Variants in ZFPM2 observed in about 807,000 individuals in gnomAD.
ZFPM2 encodes the protein zinc finger protein, FOG family member 2.
ZFPM2 carries 20 observed loss-of-function variants against 98.6 expected under a neutral mutation model. The ratio of observed to expected loss-of-function variants is 0.20; its 90% CI spans 0.14 to 0.29. ZFPM2 has a LOEUF of 0.29. Ranked by LOEUF, ZFPM2 falls within the 10% of genes least tolerant of loss-of-function variation. ZFPM2 has a pLI of 1.00. For missense variants in ZFPM2, 1,310 were observed against 1,388.6 expected (o/e 0.94, Z 0.90); for synonymous variants, 518 against 502.7 (o/e 1.03, Z -0.41).
chr8:105,782,056 A>T (rs1180222023), intron 5 of ZFPM2, among the ~76,000 whole-genome samples: 2 of 152,148 alleles, frequency 1.3e-5, no homozygotes, highest in African/African-American at 4.8e-5. Flanking sequence ...TGTGACTTTG[A>T]ACAACTTACA....
intron 1 of ZFPM2, among the ~76,000 whole-genome samples, chr8:105,391,002 A>G (rs896388209): frequency 2.6e-5 from 4 of 152,200 alleles, no homozygotes; most frequent in Admixed American, 2.6e-4. Context: ...CTTCAGAATT[A>G]TATACTGAGA....
intron 3 of ZFPM2, among the ~76,000 whole-genome samples, chr8:105,530,787 T>C (rs1814281590): frequency 6.6e-6 from 1 of 152,136 alleles, no homozygotes; most frequent in Non-Finnish European, 1.5e-5. Flanking sequence ...ATTCGGTCCA[T>C]AGCAATCAGT....
In ZFPM2 at chr8:105,619,997, T is replaced by C. The variant is rs1356337941; in HGVS notation, c.421-14249T>C. 5.3e-5 allele frequency among the ~76,000 whole-genome samples: 8 copies of C among 152,330 alleles called. No homozygotes were observed. The East Asian group carries it at 1.5e-3, about 29-fold the overall frequency. Reference sequence around the variant, plus strand: ...AATAGTGCTGCAATAAATATACGTGTGCATGTGTCTTTATAACAGCATGAT... The same window carrying C: ...AATAGTGCTGCAATAAATATACGTGCGCATGTGTCTTTATAACAGCATGAT... On this transcript the variant is annotated intron_variant, in intron 4 of 7. Transcript: ENST00000407775.
Position 105,605,609 on chromosome 8 carries a change from AT to A in ZFPM2, c.421-28633del, listed in dbSNP as rs1293910861. 8.5e-5 allele frequency among the ~76,000 whole-genome samples: 13 copies of A among 152,116 alleles called. No individual in the cohort carries two copies. The East Asian group carries it at 2.5e-3, about 29-fold the overall frequency. On this transcript the variant is annotated intron_variant, in intron 4 of 7. Coordinates refer to ENST00000407775, the MANE Select transcript of ZFPM2 (RefSeq NM_012082.4). ...TTCTGTGTTGATATGGAAAAAGTAT[AT>A]TTTAGTATATTTTAAGGCTTCCTGA...
At chr8:105,514,194 G>C (rs572176510) in intron 3 of ZFPM2, among the ~76,000 whole-genome samples, 35 of 151,922 alleles carry the variant, frequency 2.3e-4, no homozygotes, top group Middle Eastern at 3.4e-3. Context: ...GTAGAGATGG[G>C]GTTTCACCAT....
At chr8:105,592,558 CTTAT>C (rs1307047646) in intron 4 of ZFPM2, among the ~76,000 whole-genome samples, 5 of 152,034 alleles carry the variant, frequency 3.3e-5, no homozygotes, top group African/African-American at 1.2e-4. Context: ...AGATGTTTCT[CTTAT>C]TTTTTTCTCA....
chr8:105,799,774 A>G (rs7007909), intron 7 of ZFPM2, among the ~76,000 whole-genome samples: 14,307 of 152,206 alleles, frequency 0.094, 2,183 homozygotes, highest in African/African-American at 0.31. Flanking sequence ...TTCAGCACCT[A>G]TAATACAAAC....
At chr8:105,622,483 A>G (rs1431239485) in intron 4 of ZFPM2, among the ~76,000 whole-genome samples, 1 of 152,170 alleles carries the variant, frequency 6.6e-6, no homozygotes, top group Non-Finnish European at 1.5e-5. Context: ...CTTGCCTTTC[A>G]TAAAGAGCAT....
intron 1 of ZFPM2, among the ~76,000 whole-genome samples, chr8:105,341,303 A>T (rs1343558370): frequency 6.6e-6 from 1 of 151,954 alleles, no homozygotes; most frequent in Non-Finnish European, 1.5e-5. Context: ...TTGCATTTTC[A>T]ACAAATGGAG....
chr8:105,413,106 G>C (rs901717872), intron 1 of ZFPM2, among the ~76,000 whole-genome samples: 18 of 151,554 alleles, frequency 1.2e-4, no homozygotes, highest in African/African-American at 4.1e-4. Flanking sequence ...GGATATATAC[G>C]TACAGAACAT....
chr8:105,789,146 A>G (rs1813516826), intron 6 of ZFPM2: 1 of 406,056 alleles, frequency 2.5e-6, no homozygotes, highest in South Asian at 4.1e-5. Flanking sequence ...CAGGTTAGTT[A>G]CATATGTATA....
intron 3 of ZFPM2, among the ~76,000 whole-genome samples, chr8:105,470,374 G>A (rs1812879579): frequency 6.6e-6 from 1 of 152,116 alleles, no homozygotes; most frequent in South Asian, 2.1e-4. Context: ...CCAAAACTAT[G>A]TCTACCTTAT....
chr8:105,359,175 A>G (rs1260000716), intron 1 of ZFPM2, among the ~76,000 whole-genome samples: 1 of 152,036 alleles, frequency 6.6e-6, no homozygotes, highest in African/African-American at 2.4e-5. Context: ...GATAGATGGT[A>G]GTTTTCCCCA....
rs959304262 is a variant in ZFPM2, at chr8:105,617,156, C to G, written c.421-17090C>G. On this transcript the variant is annotated intron_variant, in intron 4 of 7. Coordinates refer to ENST00000407775, the MANE Select transcript of ZFPM2 (RefSeq NM_012082.4). ...TGTGTTTTCTGCGTCGTTTCCTCAT[C>G]ATGTTCATCACATTCTGGAAGCATT... is the stretch of plus-strand genomic sequence containing the variant. Among the ~76,000 whole-genome samples, 6 of 146,600 alleles carry G rather than the reference C, an allele frequency of 4.1e-5. No homozygotes were observed. In the Admixed American group the frequency reaches 4.2e-4, roughly 10 times the overall value.
chr8:105,322,989 T>C (rs1305915855), intron 1 of ZFPM2, among the ~76,000 whole-genome samples: 2 of 151,950 alleles, frequency 1.3e-5, no homozygotes, highest in Admixed American at 6.6e-5. Flanking sequence ...AAAACAATTA[T>C]TGTTTTAAAA....
intron 2 of ZFPM2, among the ~76,000 whole-genome samples, chr8:105,438,823 C>G (rs1812176790): frequency 6.6e-6 from 1 of 152,158 alleles, no homozygotes; most frequent in African/African-American, 2.4e-5. Flanking sequence ...GAAGGTAGAA[C>G]TCCAAAATTC....
At chr8:105,726,440 G>T (rs1586222684) in intron 5 of ZFPM2, among the ~76,000 whole-genome samples, 2 of 151,880 alleles carry the variant, frequency 1.3e-5, no homozygotes, top group South Asian at 4.2e-4. Context: ...TGTAAATAAA[G>T]AAGTCAGCAA....
chr8:105,794,796 T>TC (rs1279685937), intron 6 of ZFPM2, among the ~76,000 whole-genome samples: 1 of 152,090 alleles, frequency 6.6e-6, no homozygotes, highest in East Asian at 1.9e-4. Flanking sequence ...CTGGCGCCCC[T>TC]CCCCCAGCCT....
intron 4 of ZFPM2, among the ~76,000 whole-genome samples, chr8:105,623,962 A>G (rs1395869657): frequency 6.6e-6 from 1 of 152,188 alleles, no homozygotes; most frequent in Non-Finnish European, 1.5e-5. Context: ...TATAAGCTCA[A>G]TGTGTTGAGC....
Sources: allele counts gnomAD v4.1 joint callset (sites outside exome capture counted in the v4.1 genomes callset), GRCh38; gene constraint gnomAD v4.1.1; transcripts MANE v1.5; gene names NCBI Gene and HGNC (gene_info 2026-07-23, HGNC 2026-07-21).